Variants in SLIT2 observed in about 807,000 individuals in gnomAD.
SLIT2 encodes the protein slit homolog 2 protein.
In SLIT2, 41 loss-of-function variants were observed where a neutral mutation model predicts 185.7. That is an observed-to-expected ratio of 0.22 (90% CI 0.17 to 0.29). SLIT2 has a LOEUF of 0.29. Ranked by LOEUF, SLIT2 falls within the 10% of genes least tolerant of loss-of-function variation. SLIT2 has a pLI of 1.00. For synonymous variants in SLIT2, 693 were observed against 680.2 expected, an observed-to-expected ratio of 1.02 and a Z score of -0.29; for missense variants, 1,571 against 1,909.0, an observed-to-expected ratio of 0.82 and a Z score of 3.30.
At chr4:20,379,604 G>T (rs1305586255) in intron 4 of SLIT2, among the ~76,000 whole-genome samples, 1 of 152,090 alleles carries the variant, frequency 6.6e-6, no homozygotes, top group Non-Finnish European at 1.5e-5. Context: ...ACACAGACCT[G>T]CCTTTGACTA....
intron 9 of SLIT2, among the ~76,000 whole-genome samples, chr4:20,497,998 C>T (rs1718388097): frequency 6.6e-6 from 1 of 152,060 alleles, no homozygotes; most frequent in South Asian, 2.1e-4. Context: ...ATGGTGAAAC[C>T]CTGTCTCTAC....
intron 4 of SLIT2, among the ~76,000 whole-genome samples, chr4:20,306,595 C>T (rs757822278): frequency 2.6e-5 from 4 of 152,080 alleles, no homozygotes; most frequent in Admixed American, 6.5e-5. Flanking sequence ...TTATTTCCCG[C>T]GATTTGAGAT....
chr4:20,270,303 A>G (rs1296565858), intron 4 of SLIT2, among the ~76,000 whole-genome samples: 1 of 151,914 alleles, frequency 6.6e-6, no homozygotes, highest in East Asian at 1.9e-4. Flanking sequence ...TAAGGAATCG[A>G]CTTGGATTAA....
At chr4:20,383,514 A>G (rs1350417653) in intron 4 of SLIT2, among the ~76,000 whole-genome samples, 1 of 152,184 alleles carries the variant, frequency 6.6e-6, no homozygotes, top group Non-Finnish European at 1.5e-5. Context: ...ATGCAATGAT[A>G]TACCACTAAG....
At chr4:20,280,537 CCAGAATTTAG>C (rs1183070166) in intron 4 of SLIT2, among the ~76,000 whole-genome samples, 6 of 151,828 alleles carry the variant, frequency 4.0e-5, no homozygotes. Context: ...CATCCTATTA[CCAGAATTTAG>C]CAGAAGGCCT....
At chr4:20,519,501 A>G in intron 12 of SLIT2, 48 bp downstream of exon 12, 2 of 1,125,266 alleles carry the variant, frequency 1.8e-6, no homozygotes, top group Admixed American at 4.2e-5. Flanking sequence ...AATATATATT[A>G]GCCATTTTGT....
At chr4:20,421,638 C>G (rs1256434403) in intron 4 of SLIT2, among the ~76,000 whole-genome samples, 2 of 152,054 alleles carry the variant, frequency 1.3e-5, no homozygotes, top group African/African-American at 4.8e-5. Flanking sequence ...TCCCTTCTCC[C>G]CAGCCCCCAA....
rs1439224356 is a variant in SLIT2, at chr4:20,512,778, C to T, written c.1058+1641C>T. ...GTCCTCAAAGATAACCATTAAATGT[C>T]AAGAAGAAGAGAAATCAGTGGGAAA... is the stretch of plus-strand genomic sequence containing the variant. On this transcript the variant is annotated intron_variant, in intron 11 of 36. Coordinates refer to ENST00000504154, the MANE Select transcript of SLIT2 (RefSeq NM_004787.4). Among the ~76,000 whole-genome samples, 3 of 152,112 alleles carry T rather than the reference C, an allele frequency of 2.0e-5. No homozygotes were observed. The East Asian group carries it at 5.8e-4, about 29-fold the overall frequency.
chr4:20,414,596 T>G (rs1727513218), intron 4 of SLIT2, among the ~76,000 whole-genome samples: 1 of 152,180 alleles, frequency 6.6e-6, no homozygotes, highest in Non-Finnish European at 1.5e-5. Context: ...ATATCCAAGC[T>G]TCTCCCTCAA....
intron 4 of SLIT2, among the ~76,000 whole-genome samples, chr4:20,431,953 C>T (rs1456332198): frequency 6.6e-6 from 1 of 151,802 alleles, no homozygotes; most frequent in African/African-American, 2.4e-5. Context: ...CTCTCTCTTT[C>T]TCTTTCTCTG....
intron 5 of SLIT2, among the ~76,000 whole-genome samples, chr4:20,472,342 AT>A (rs1715290817): frequency 2.9e-5 from 2 of 69,252 alleles, no homozygotes; most frequent in African/African-American, 1.4e-4. Context: ...ATAGATCTAT[AT>A]ATAGATATAG....
At chr4:20,401,626 A>T (rs1004516509) in intron 4 of SLIT2, among the ~76,000 whole-genome samples, 10 of 151,876 alleles carry the variant, frequency 6.6e-5, no homozygotes, top group Admixed American at 1.3e-4. Flanking sequence ...GAGTGGGAAG[A>T]TCCCTTTCAA....
intron 4 of SLIT2, among the ~76,000 whole-genome samples, chr4:20,370,692 T>G (rs908863136): frequency 1.3e-5 from 2 of 152,108 alleles, no homozygotes; most frequent in South Asian, 4.1e-4. Context: ...TAAATGGCTA[T>G]GAGGAAGTGA....
chr4:20,267,448 A>G (rs1306985105), intron 3 of SLIT2, among the ~76,000 whole-genome samples: 1 of 151,862 alleles, frequency 6.6e-6, no homozygotes, highest in Non-Finnish European at 1.5e-5. Flanking sequence ...GTTCACATAA[A>G]GTTATGGTGC....
At chr4:20,518,989 G>T (rs1720570364) in intron 11 of SLIT2, among the ~76,000 whole-genome samples, 1 of 151,994 alleles carries the variant, frequency 6.6e-6, no homozygotes, top group South Asian at 2.1e-4. Flanking sequence ...GGACTTTTAT[G>T]TCACTGTATA....
chr4:20,391,005 G>T (rs1725372955), intron 4 of SLIT2, among the ~76,000 whole-genome samples: 1 of 151,800 alleles, frequency 6.6e-6, no homozygotes, highest in Non-Finnish European at 1.5e-5. Flanking sequence ...TAATTTTACG[G>T]TGCCCATAAA....
intron 26 of SLIT2, among the ~76,000 whole-genome samples, chr4:20,557,375 C>T (rs1724351099): frequency 6.6e-6 from 1 of 151,962 alleles, no homozygotes; most frequent in Non-Finnish European, 1.5e-5. Flanking sequence ...TGCTCATTTA[C>T]CATTCCGAAA....
chr4:20,390,444 A>T (rs958895347), intron 4 of SLIT2, among the ~76,000 whole-genome samples: 2 of 152,100 alleles, frequency 1.3e-5, no homozygotes, highest in African/African-American at 4.8e-5. Context: ...TAACATTAGG[A>T]TGCAAGCTGT....
rs920057572 is a variant in SLIT2, at chr4:20,473,453, T to C, written c.467+5630T>C. 4.7e-4 allele frequency among the ~76,000 whole-genome samples: 71 copies of C among 152,102 alleles called. 1 individual carries two copies. The highest frequency in any genetic ancestry group is 8.8e-4 in the Non-Finnish European group (60 of 67,910). ...AATAAATATATATATTCCTATGACA[T>C]TTTAGGAAGGAAGTCACCCAATTTG... On this transcript the variant is annotated intron_variant, in intron 5 of 36. Transcript: ENST00000504154.
Sources: allele counts gnomAD v4.1 joint callset (sites outside exome capture counted in the v4.1 genomes callset), GRCh38; gene constraint gnomAD v4.1.1; transcripts MANE v1.5; gene names NCBI Gene and HGNC (gene_info 2026-07-23, HGNC 2026-07-21).